Variants in STARD13 observed in about 807,000 individuals in gnomAD.
STARD13 encodes the protein StAR related lipid transfer domain containing 13.
Under a neutral mutation model 106.4 loss-of-function variants are expected in STARD13, and 62 were observed. The ratio of observed to expected loss-of-function variants is 0.58; its 90% confidence interval spans 0.48 to 0.72. The LOEUF (loss-of-function observed/expected upper bound fraction) is 0.72. Among genes scored for constraint, STARD13 ranks in the 30% least tolerant of loss-of-function variants. The pLI, the probability that STARD13 is intolerant of heterozygous loss-of-function variation, is 0.00. For synonymous variants in STARD13, 565 were observed against 553.0 expected (o/e 1.02, Z -0.31); for missense variants, 1,387 against 1,424.0 (o/e 0.97, Z 0.42).
chr13:33,583,349 G>A, the STARD13 span, among the ~76,000 whole-genome samples: 8 of 152,110 alleles, frequency 5.3e-5, no homozygotes, highest in African/African-American at 1.7e-4. Context: ...GCCAAGCAAG[G>A]ATGATTATCC....
rs1177956382 is a variant in STARD13 at position 33,104,275 on chromosome 13, A to G, written c.*1318T>C. The stretch of plus-strand genomic sequence containing the variant: ...ATTAGCAGTTGGCTAAAGGGAGTCA[A>G]TTCGCTTCATCTGTACAATAATAAA... On this transcript the variant is annotated 3_prime_UTR_variant, in exon 14 of 14. Transcript: ENST00000336934. The G allele has an allele frequency of 6.6e-6, 1 of 152,240 alleles. No homozygotes were observed. Among genetic ancestry groups the G allele is most frequent in the Non-Finnish European group, 1.5e-5 (1 of 68,030 alleles). The allele number at this position is 152,240 out of a possible 1,614,324, so 9.4% of individuals were successfully genotyped here. A position where few individuals can be genotyped will look rare whatever the true frequency, so the allele number is the denominator to read the frequency against.
At chr13:33,493,964 G>C in the STARD13 span, among the ~76,000 whole-genome samples, 1 of 152,144 alleles carries the variant, frequency 6.6e-6, no homozygotes. Flanking sequence ...ACTTGGTGCG[G>C]GTTTCTCATC....
At chr13:33,136,751 C>G (rs938310079) in intron 4 of STARD13, among the ~76,000 whole-genome samples, 1 of 152,168 alleles carries the variant, frequency 6.6e-6, no homozygotes, top group Non-Finnish European at 1.5e-5. Context: ...CTGTGTCGCT[C>G]AATAAAAATT....
chr13:33,181,275 C>G (rs1041486857), intron 1 of STARD13, among the ~76,000 whole-genome samples: 7 of 138,098 alleles, frequency 5.1e-5, no homozygotes, highest in African/African-American at 1.7e-4. Context: ...CATACATACA[C>G]ACACACACAC....
chr13:33,245,764 T>C (rs2138266347), intron 1 of STARD13, among the ~76,000 whole-genome samples: 1 of 152,368 alleles, frequency 6.6e-6, no homozygotes, highest in African/African-American at 2.4e-5. Context: ...TTCTGTCCTA[T>C]TGGAAAGAAC....
upstream of STARD13, chr13:33,285,897 G>T: frequency 3.4e-6 from 2 of 586,066 alleles, no homozygotes; most frequent in Non-Finnish European, 5.0e-6. Context: ...GGCAGTTCCA[G>T]CCGCCAGGGT....
the STARD13 span, among the ~76,000 whole-genome samples, chr13:33,415,923 A>C: frequency 1.3e-5 from 2 of 152,252 alleles, no homozygotes; most frequent in African/African-American, 4.8e-5. Flanking sequence ...AATTTTCCCT[A>C]GCTTTCTCTG....
At chr13:33,495,317 C>G in the STARD13 span, among the ~76,000 whole-genome samples, 2 of 152,106 alleles carry the variant, frequency 1.3e-5, no homozygotes, top group African/African-American at 2.4e-5. Flanking sequence ...GTGGACAGCT[C>G]AGTGGAAATG....
At chr13:33,433,065 T>C in the STARD13 span, among the ~76,000 whole-genome samples, 1 of 152,236 alleles carries the variant, frequency 6.6e-6, no homozygotes, top group Non-Finnish European at 1.5e-5. Flanking sequence ...ATTAAAAGGA[T>C]GTTTTTCAGC....
At chr13:33,167,441 A>G in intron 2 of STARD13, 110 bp downstream of exon 2, 1 of 1,108,864 alleles carries the variant, frequency 9.0e-7, no homozygotes, top group South Asian at 1.4e-5. Context: ...AAGAAAGCGA[A>G]GCAAAATGGG....
the STARD13 span, among the ~76,000 whole-genome samples, chr13:33,493,421 C>T: frequency 6.6e-6 from 1 of 152,148 alleles, no homozygotes; most frequent in Admixed American, 6.5e-5. Context: ...ACACAGTGAA[C>T]ACTAATGTAA....
At chr13:33,317,506 C>A (rs1212449066) in intron 1 of STARD13, among the ~76,000 whole-genome samples, 1 of 152,078 alleles carries the variant, frequency 6.6e-6, no homozygotes, top group Non-Finnish European at 1.5e-5. Flanking sequence ...CCTCTACTGT[C>A]AATTCTCCAC....
At chr13:33,424,111 A>G in the STARD13 span, among the ~76,000 whole-genome samples, 1 of 152,134 alleles carries the variant, frequency 6.6e-6, no homozygotes, top group South Asian at 2.1e-4. Context: ...ACAAAAATAA[A>G]CAAAAATCTG....
chr13:33,424,053 C>T, the STARD13 span, among the ~76,000 whole-genome samples: 1 of 151,984 alleles, frequency 6.6e-6, no homozygotes, highest in Non-Finnish European at 1.5e-5. Context: ...TGTAACAAAC[C>T]TGCATGTTGT....
At chr13:33,106,651 A>G in intron 13 of STARD13, 107 bp downstream of exon 13, 1 of 1,077,814 alleles carries the variant, frequency 9.3e-7, no homozygotes, top group Middle Eastern at 2.7e-4. Context: ...GGCAATGAGG[A>G]AACAAATACA....
the STARD13 span, among the ~76,000 whole-genome samples, chr13:33,499,588 CTTCTTCTTCTTCTTCTTTCTTCTTCTT>C: frequency 1.7e-4 from 11 of 65,600 alleles, no homozygotes; most frequent in East Asian, 9.2e-4. Context: ...TCTTCTTCTT[CTTCTTCTTCTTCTTCTTTCTTCTTCTT>C]CTTCTTCTTC....
chr13:33,420,680 A>C, the STARD13 span, among the ~76,000 whole-genome samples: 6 of 152,134 alleles, frequency 3.9e-5, no homozygotes, highest in African/African-American at 1.4e-4. Context: ...CACACTTATT[A>C]TAAAATTGAC....
the STARD13 span, among the ~76,000 whole-genome samples, chr13:33,507,661 C>T: frequency 6.6e-6 from 1 of 152,166 alleles, no homozygotes; most frequent in Admixed American, 6.6e-5. Flanking sequence ...ACTTGTGAGT[C>T]CCCAAGAAAA....
the STARD13 span, among the ~76,000 whole-genome samples, chr13:33,613,380 T>C: frequency 6.6e-6 from 1 of 152,190 alleles, no homozygotes; most frequent in Admixed American, 6.5e-5. Flanking sequence ...AGCAAAGTAG[T>C]GTGATTAGTG....
Sources: allele counts gnomAD v4.1 joint callset (sites outside exome capture counted in the v4.1 genomes callset), GRCh38; gene constraint gnomAD v4.1.1; transcripts MANE v1.5; gene names NCBI Gene and HGNC (gene_info 2026-07-23, HGNC 2026-07-21).